Variants in SLC35E4 observed in about 807,000 individuals in gnomAD.
SLC35E4 encodes the protein solute carrier family 35 member E4.
SLC35E4 carries 15 observed loss-of-function variants against 19.3 expected under a neutral mutation model. The ratio of observed to expected loss-of-function variants is 0.78; its 90% CI spans 0.52 to 1.20. SLC35E4 has a LOEUF of 1.20. Ranked by LOEUF, SLC35E4 falls within the 50% of genes most tolerant of loss-of-function variation. SLC35E4 has a pLI of 0.00. For missense variants in SLC35E4, 406 were observed against 472.3 expected (o/e 0.86, Z 1.30); for synonymous variants, 219 against 219.9 (o/e 1.00, Z 0.04).
At position 30,661,740 on chromosome 22, in the gene SLC35E4, G is replaced by T. The variant is rs1468483021; in HGVS notation, c.*9-320G>T. 2.0e-5 allele frequency: 3 copies of T among 152,204 alleles called. No individual in the cohort carries two copies. The East Asian group carries it at 5.8e-4, about 29-fold the overall frequency. 9.4% of individuals were successfully genotyped at this position (152,204 alleles called of 1,614,324 possible). A position where few individuals can be genotyped will look rare whatever the true frequency, so the allele number is the denominator to read the frequency against. ...AGAGCTGGTCTTCAGCCAGGTCCTT[G>T]GCACCAAGAGGATGTGAACAATCCT... On this transcript the variant is annotated intron_variant, in intron 2 of 2. Coordinates refer to the SLC35E4 transcript ENST00000406566.
downstream of SLC35E4, chr22:30,663,528 A>G (rs745697186): frequency 6.2e-7 from 1 of 1,614,198 alleles, no homozygotes; most frequent in Admixed American, 1.7e-5. Context: ...GTTCTTGCCA[A>G]ACAATTGGAA....
At chr22:30,657,542 T>G (rs1180455769) in intron 2 of SLC35E4, among the ~76,000 whole-genome samples, 1 of 151,714 alleles carries the variant, frequency 6.6e-6, no homozygotes, top group African/African-American at 2.4e-5. Flanking sequence ...GTAGATCACT[T>G]GAGCCCAGGA....
intron 1 of SLC35E4, among the ~76,000 whole-genome samples, chr22:30,642,689 C>T (rs555893594): frequency 2.1e-5 from 3 of 142,508 alleles, no homozygotes; most frequent in South Asian, 2.2e-4. Flanking sequence ...TGCAGTGAGC[C>T]GAGATATCAC....
chr22:30,658,915 C>T (rs1026123143), intron 2 of SLC35E4, among the ~76,000 whole-genome samples: 4 of 151,924 alleles, frequency 2.6e-5, no homozygotes, highest in Admixed American at 6.6e-5. Context: ...GAGGCTGAGG[C>T]GGGTGGATCA....
exon 3 of SLC35E4, chr22:30,663,137 G>C: frequency 3.2e-6 from 1 of 316,024 alleles, no homozygotes; most frequent in Non-Finnish European, 5.9e-6. Context: ...CAGGATTCCA[G>C]GCCTGCCATG....
chr22:30,651,372 TGTGTGTG>T (rs2088208316), downstream of SLC35E4, among the ~76,000 whole-genome samples: 1 of 15,314 alleles, frequency 6.5e-5, no homozygotes, highest in African/African-American at 1.9e-4. Flanking sequence ...GGCTAATTTT[TGTGTGTG>T]TGTGTGTGTG....
At chr22:30,642,987 G>A (rs1248977655) in intron 1 of SLC35E4, among the ~76,000 whole-genome samples, 2 of 149,822 alleles carry the variant, frequency 1.3e-5, no homozygotes, top group South Asian at 2.1e-4. Flanking sequence ...CCCAGATAGC[G>A]CTACTACACT....
intron 1 of SLC35E4, among the ~76,000 whole-genome samples, chr22:30,640,639 G>A (rs1167286256): frequency 1.3e-5 from 2 of 152,174 alleles, no homozygotes; most frequent in Non-Finnish European, 2.9e-5. Context: ...TCAACCCAAG[G>A]AGACATAGGG....
intron 2 of SLC35E4, among the ~76,000 whole-genome samples, chr22:30,657,127 G>A (rs1047494117): frequency 8.6e-5 from 13 of 151,924 alleles, no homozygotes; most frequent in African/African-American, 1.9e-4. Context: ...CTTTTTCTAC[G>A]AATAAGCATG....
exon 3 of SLC35E4, chr22:30,663,036 T>C (rs2088521471): frequency 5.6e-6 from 1 of 179,208 alleles, no homozygotes; most frequent in African/African-American, 2.4e-5. Flanking sequence ...AGAGGTACCA[T>C]GATGCTTAAG....
chr22:30,639,767 A>G (rs1182492609), intron 1 of SLC35E4, among the ~76,000 whole-genome samples: 3 of 152,192 alleles, frequency 2.0e-5, no homozygotes, highest in Non-Finnish European at 1.5e-5. Context: ...TTCCCTGAAC[A>G]TTGCTGTTAT....
At chr22:30,664,116 C>T (rs1284508032), downstream of SLC35E4, 2 of 977,638 alleles carry the variant, frequency 2.0e-6, no homozygotes, top group Admixed American at 2.5e-5. Context: ...AGGGCAGGTG[C>T]CCAGAGGGCC....
chr22:30,663,699 A>C (rs146604795), downstream of SLC35E4: 1 of 1,614,260 alleles, frequency 6.2e-7, no homozygotes, highest in Non-Finnish European at 8.5e-7. Flanking sequence ...AGCACAGTGC[A>C]GCAAAGTACG....
intron 1 of SLC35E4, among the ~76,000 whole-genome samples, chr22:30,638,862 A>T (rs1353916670): frequency 6.6e-6 from 1 of 152,078 alleles, no homozygotes; most frequent in Non-Finnish European, 1.5e-5. Flanking sequence ...GCTACTGGGG[A>T]GGCTGAGGCA....
intron 1 of SLC35E4, among the ~76,000 whole-genome samples, chr22:30,640,188 C>T (rs1487556906): frequency 2.6e-5 from 4 of 151,964 alleles, no homozygotes; most frequent in South Asian, 4.1e-4. Flanking sequence ...TCCTGGCCAA[C>T]GTGGTGAAAC....
At chr22:30,644,759 G>A (rs979751200) in intron 1 of SLC35E4, among the ~76,000 whole-genome samples, 7 of 152,030 alleles carry the variant, frequency 4.6e-5, no homozygotes, top group Non-Finnish European at 8.8e-5. Flanking sequence ...ATGTCATTTC[G>A]CCTGGGCAAG....
downstream of SLC35E4, among the ~76,000 whole-genome samples, chr22:30,649,428 C>T (rs1023485716): frequency 9.8e-5 from 15 of 152,320 alleles, no homozygotes; most frequent in South Asian, 6.2e-4. Flanking sequence ...AACCAGAATT[C>T]GTAAGGGACC....
chr22:30,655,509 T>C (rs1462264429), intron 2 of SLC35E4, among the ~76,000 whole-genome samples: 1 of 149,612 alleles, frequency 6.7e-6, no homozygotes, highest in Non-Finnish European at 1.5e-5. Context: ...AAAATATCCT[T>C]TTTTTTTTTC....
chr22:30,648,477 C>T (rs547390084), downstream of SLC35E4, among the ~76,000 whole-genome samples: 43 of 152,310 alleles, frequency 2.8e-4, no homozygotes, highest in Admixed American at 3.3e-4. Context: ...CCAGGCCGGG[C>T]GCGGTGGCTC....
Sources: allele counts gnomAD v4.1 joint callset (sites outside exome capture counted in the v4.1 genomes callset), GRCh38; gene constraint gnomAD v4.1.1; transcripts MANE v1.5; gene names NCBI Gene and HGNC (gene_info 2026-07-23, HGNC 2026-07-21).